STK32B: variants seen among roughly 807,000 people sequenced by gnomAD.
STK32B encodes serine/threonine kinase 32B.
A neutral mutation model predicts 52.6 loss-of-function variants in STK32B; 43 were observed. The ratio of observed to expected loss-of-function variants is 0.82; its 90% confidence interval spans 0.64 to 1.05. The LOEUF is 1.05. STK32B is among the 50% of genes least tolerant of loss of function. STK32B has a pLI of 0.00. For synonymous variants in STK32B, 238 were observed against 204.3 expected, an observed-to-expected ratio of 1.17 and a Z score of -1.41; for missense variants, 621 against 534.6, an observed-to-expected ratio of 1.16 and a Z score of -1.59.
chr4:5,372,967 G>T (rs1311095668), intron 4 of STK32B, among the ~76,000 whole-genome samples: 1 of 152,150 alleles, frequency 6.6e-6, no homozygotes, highest in Non-Finnish European at 1.5e-5. Flanking sequence ...AGTCAATAAA[G>T]ATTGAATATT....
At chr4:5,445,362 G>GC (rs1715297966) in intron 6 of STK32B, among the ~76,000 whole-genome samples, 1 of 152,156 alleles carries the variant, frequency 6.6e-6, no homozygotes, top group Non-Finnish European at 1.5e-5. Context: ...ACAGTATGTG[G>GC]CTCCCCGGGG....
intron 1 of STK32B, among the ~76,000 whole-genome samples, chr4:5,125,786 C>T (rs1465541007): frequency 6.6e-6 from 1 of 152,212 alleles, no homozygotes; most frequent in Non-Finnish European, 1.5e-5. Context: ...TACTCCCCAA[C>T]TCCTTGCTTC....
the STK32B span, among the ~76,000 whole-genome samples, chr4:5,042,466 TGAG>T: frequency 6.6e-6 from 1 of 152,212 alleles, no homozygotes; most frequent in Non-Finnish European, 1.5e-5. Context: ...CATTCTCTCT[TGAG>T]GAGACTGGAT....
chr4:5,363,125 A>T (rs991615654), intron 4 of STK32B, among the ~76,000 whole-genome samples: 4 of 152,200 alleles, frequency 2.6e-5, no homozygotes, highest in Non-Finnish European at 5.9e-5. Flanking sequence ...CTCATCATCA[A>T]TATATCCCCA....
intron 4 of STK32B, among the ~76,000 whole-genome samples, chr4:5,370,800 T>C (rs1320912308): frequency 6.6e-6 from 1 of 151,786 alleles, no homozygotes. Context: ...ATCCCATCTC[T>C]ACAAAAAATA....
At chr4:5,105,984 A>G (rs953694254) in intron 1 of STK32B, among the ~76,000 whole-genome samples, 4 of 152,022 alleles carry the variant, frequency 2.6e-5, no homozygotes, top group South Asian at 2.1e-4. Flanking sequence ...TTCATTGCCC[A>G]TAATGTTGAG....
At chr4:5,488,569 C>T (rs552365056) in intron 11 of STK32B, among the ~76,000 whole-genome samples, 6 of 152,170 alleles carry the variant, frequency 3.9e-5, no homozygotes, top group African/African-American at 1.4e-4. Flanking sequence ...CATAAATTTC[C>T]CTTTCACAAG....
intron 1 of STK32B, among the ~76,000 whole-genome samples, chr4:5,094,041 A>G (rs1360700776): frequency 6.6e-6 from 1 of 152,198 alleles, no homozygotes; most frequent in East Asian, 1.9e-4. Context: ...AGCCATTGCT[A>G]TAGCTACACT....
chr4:5,118,919 C>T (rs148287277), intron 1 of STK32B, among the ~76,000 whole-genome samples: 375 of 152,310 alleles, frequency 2.5e-3, no homozygotes, highest in Non-Finnish European at 3.5e-3. Flanking sequence ...AGCCTCAGCA[C>T]CATAGACGAG....
At position 5,377,141 on chromosome 4, in the gene STK32B, G is replaced by A. The variant is rs534966017; in HGVS notation, c.435-21066G>A. Among the ~76,000 whole-genome samples the A allele has an allele frequency of 2.3e-4, 35 of 152,304 alleles. 1 individual carries two copies. Among genetic ancestry groups the A allele is most frequent in the African/African-American group, 7.7e-4 (32 of 41,548 alleles). On this transcript the variant is annotated intron_variant, in intron 4 of 11. Coordinates refer to ENST00000282908, the MANE Select transcript of STK32B (RefSeq NM_018401.3). ...GCCAAAGGAGTCTTGATTCTAGAGG[G>A]AGTCATTGGACTTTTATATGGTATG... is the stretch of plus-strand genomic sequence containing the variant.
chr4:5,186,463 C>T (rs1252709820), intron 3 of STK32B, among the ~76,000 whole-genome samples: 1 of 152,204 alleles, frequency 6.6e-6, no homozygotes, highest in Non-Finnish European at 1.5e-5. Context: ...AAGACAGTTC[C>T]TCCCTGTCTT....
chr4:5,304,773 G>A (rs59583355), intron 3 of STK32B, among the ~76,000 whole-genome samples: 1 of 151,652 alleles, frequency 6.6e-6, no homozygotes, highest in Non-Finnish European at 1.5e-5. Context: ...TTATCGGGGA[G>A]GGGGGGTGCT....
chr4:5,364,464 G>C (rs1201680811), intron 4 of STK32B, among the ~76,000 whole-genome samples: 1 of 152,202 alleles, frequency 6.6e-6, no homozygotes, highest in Non-Finnish European at 1.5e-5. Context: ...CCCACTGCCT[G>C]TGTCCAGCTG....
rs1342705823 is a variant in STK32B, at chr4:5,395,242, A to T, written c.435-2965A>T. On this transcript the variant is annotated intron_variant, in intron 4 of 11. Coordinates refer to ENST00000282908, the MANE Select transcript of STK32B (RefSeq NM_018401.3). This position sits in a 1 kb window ranked among gnomAD's most constrained non-coding sequence, Gnocchi z 4.4. ...AATGTAACATAATCCCGGGACTGCC[A>T]TCCCACCAAGTTTGCCCTGTAACAT... Among the ~76,000 whole-genome samples the T allele has an allele frequency of 6.6e-6, 1 of 152,174 alleles. No individual in the cohort carries two copies. The highest frequency in any genetic ancestry group is 1.5e-5 in the Non-Finnish European group (1 of 68,034).
intron 2 of STK32B, among the ~76,000 whole-genome samples, chr4:5,151,880 A>G (rs1424411981): frequency 1.3e-5 from 2 of 152,174 alleles, no homozygotes; most frequent in Non-Finnish European, 2.9e-5. Flanking sequence ...TTTTCTTATT[A>G]TAATGACATT....
chr4:5,117,363 A>C (rs1714786496), intron 1 of STK32B, among the ~76,000 whole-genome samples: 1 of 152,044 alleles, frequency 6.6e-6, no homozygotes, highest in African/African-American at 2.4e-5. Context: ...GACTTGTGTC[A>C]AATGCTTTTT....
At chr4:5,190,670 A>G (rs956871760) in intron 3 of STK32B, among the ~76,000 whole-genome samples, 3 of 152,084 alleles carry the variant, frequency 2.0e-5, no homozygotes, top group Non-Finnish European at 2.9e-5. Context: ...ACAGAGCTAT[A>G]ATTCAGAATT....
chr4:5,444,335 C>G (rs1309545216), intron 6 of STK32B, among the ~76,000 whole-genome samples: 26 of 152,224 alleles, frequency 1.7e-4, no homozygotes, highest in Admixed American at 1.6e-3. Context: ...CGGAAAAGCG[C>G]AGTATTTGGG....
chr4:5,032,052 C>G, the STK32B span, among the ~76,000 whole-genome samples: 1 of 151,936 alleles, frequency 6.6e-6, no homozygotes, highest in African/African-American at 2.4e-5. Flanking sequence ...AACAAATTAA[C>G]AGAATTGACT....
Sources: allele counts gnomAD v4.1 joint callset (sites outside exome capture counted in the v4.1 genomes callset), GRCh38; gene constraint gnomAD v4.1.1; non-coding constraint Gnocchi (gnomAD v3.1); transcripts MANE v1.5; gene names NCBI Gene and HGNC (gene_info 2026-07-23, HGNC 2026-07-21).